The following ACACA variants were observed in gnomAD, a reference collection of about 807,000 sequenced individuals.
ACACA encodes the protein acetyl-CoA carboxylase 1.
ACACA carries 103 observed loss-of-function variants against 296.1 expected under a neutral mutation model. The observed-to-expected ratio is 0.35, with a 90% CI of 0.30 to 0.41. ACACA has a LOEUF of 0.41. ACACA is among the 10% of genes least tolerant of loss of function. ACACA has a pLI of 1.00. For synonymous variants in ACACA, 953 were observed against 1,038.6 expected (o/e 0.92, Z 1.58); for missense variants, 1,554 against 2,989.7 (o/e 0.52, Z 11.20).
At chr17:37,130,012 G>A (rs2075013340) in intron 46 of ACACA, 63 bp downstream of exon 46, 5 of 1,594,884 alleles carry the variant, frequency 3.1e-6, no homozygotes, top group Non-Finnish European at 4.3e-6. Flanking sequence ...CACAGAGGCA[G>A]TGAGCTGTGG....
intron 50 of ACACA, 103 bp downstream of exon 50, chr17:37,121,252 G>T: frequency 6.6e-7 from 1 of 1,513,514 alleles, no homozygotes. Flanking sequence ...AAAAGCCTAG[G>T]CTATTAGGAC....
chr17:37,167,296 G>C (rs1387040547), intron 41 of ACACA, among the ~76,000 whole-genome samples: 1 of 128,112 alleles, frequency 7.8e-6, no homozygotes. Context: ...TTTTGAGACA[G>C]AGTCTCAGGC....
At chr17:37,278,562 CT>C (rs1027754633) in intron 5 of ACACA, among the ~76,000 whole-genome samples, 1 of 152,180 alleles carries the variant, frequency 6.6e-6, no homozygotes, top group African/African-American at 2.4e-5. Flanking sequence ...AAGATAACCA[CT>C]TTCTCATATA....
At chr17:37,190,373 T>A (rs2077703249) in intron 38 of ACACA, among the ~76,000 whole-genome samples, 1 of 151,292 alleles carries the variant, frequency 6.6e-6, no homozygotes, top group Admixed American at 6.6e-5. Flanking sequence ...GAGGTTGCAA[T>A]GAGCTGAGAT....
intron 52 of ACACA, 92 bp from the exon 53 acceptor site, chr17:37,098,076 G>A: frequency 6.7e-7 from 1 of 1,500,954 alleles, no homozygotes; most frequent in Non-Finnish European, 9.3e-7. Context: ...CTCAACATCA[G>A]CCTGCCCCCT....
At chr17:37,280,301 C>T (rs117937620) in intron 5 of ACACA, among the ~76,000 whole-genome samples, 2,032 of 152,182 alleles carry the variant, frequency 0.013, 24 homozygotes, top group East Asian at 0.047. Flanking sequence ...CTCGACCTCC[C>T]GGGCTAAAGT....
At chr17:37,251,616 A>C (rs139428415) in intron 16 of ACACA, among the ~76,000 whole-genome samples, 55 of 152,322 alleles carry the variant, frequency 3.6e-4, no homozygotes, top group African/African-American at 1.2e-3. Flanking sequence ...ATCAGCCTTA[A>C]TTATTTACTT....
chr17:37,354,142 A>C (rs1385566672), intron 1 of ACACA, among the ~76,000 whole-genome samples: 1 of 152,206 alleles, frequency 6.6e-6, no homozygotes, highest in African/African-American at 2.4e-5. Flanking sequence ...ATTTTATTCT[A>C]TCTGAAATAA....
At chr17:37,350,241 G>A (rs144612454) in intron 1 of ACACA, among the ~76,000 whole-genome samples, 28 of 151,958 alleles carry the variant, frequency 1.8e-4, no homozygotes, top group South Asian at 1.5e-3. Flanking sequence ...TGATATGGGC[G>A]GACTGCTTGA....
intron 38 of ACACA, 88 bp from the exon 39 acceptor site, chr17:37,188,568 GT>G: frequency 7.1e-7 from 1 of 1,413,378 alleles, no homozygotes; most frequent in South Asian, 1.2e-5. Flanking sequence ...GAAAGAAGGG[GT>G]AAAAAAAAAA....
chr17:37,150,412 C>G (rs867622446), intron 44 of ACACA, among the ~76,000 whole-genome samples: 1 of 151,958 alleles, frequency 6.6e-6, no homozygotes. Context: ...CGTCATGGCA[C>G]GTGCCTGTAA....
At chr17:37,354,052 G>A (rs1465219897) in intron 1 of ACACA, among the ~76,000 whole-genome samples, 1 of 152,162 alleles carries the variant, frequency 6.6e-6, no homozygotes. Context: ...AGGTTGTAGT[G>A]AGCCATGTTT....
At chr17:37,217,135 C>T (rs143414551) in intron 29 of ACACA, among the ~76,000 whole-genome samples, 6 of 151,858 alleles carry the variant, frequency 4.0e-5, no homozygotes, top group African/African-American at 1.4e-4. Context: ...GTGGTGTACG[C>T]CTGTAATCCC....
rs558029384 is a variant in ACACA at position 37,229,295 on chromosome 17, T to C, written c.3247-2843A>G. ...TATCCTCTTGCATAGTTACAGATCA[T>C]GTTTTGTTCTGTTTTGTTTTGTTTT... On this transcript the variant is annotated intron_variant, in intron 25 of 55. Coordinates refer to ENST00000616317, the MANE Select transcript of ACACA (RefSeq NM_198834.3). 5.9e-5 allele frequency among the ~76,000 whole-genome samples: 9 copies of C among 152,208 alleles called. No individual in the cohort carries two copies. In the South Asian group the frequency reaches 6.2e-4, roughly 11 times the overall value.
At chr17:37,105,434 G>A (rs1029798438) in intron 52 of ACACA, among the ~76,000 whole-genome samples, 1 of 151,872 alleles carries the variant, frequency 6.6e-6, no homozygotes, top group Non-Finnish European at 1.5e-5. Context: ...CCAAAATCAC[G>A]CCACTGCACT....
chr17:37,276,905 G>A, intron 7 of ACACA, 128 bp downstream of exon 7: 1 of 832,830 alleles, frequency 1.2e-6, no homozygotes, highest in South Asian at 1.4e-5. Context: ...GTTAGTAATA[G>A]ATTGAGGGAA....
chr17:37,283,207 G>A, intron 5 of ACACA, 60 bp downstream of exon 5: 1 of 1,600,576 alleles, frequency 6.2e-7, no homozygotes, highest in Non-Finnish European at 8.6e-7. Context: ...CCTACTTAAA[G>A]GCTGTGCTGT....
At chr17:37,182,538 ATATT>A (rs1258438375) in intron 39 of ACACA, among the ~76,000 whole-genome samples, 1 of 152,206 alleles carries the variant, frequency 6.6e-6, no homozygotes, top group Non-Finnish European at 1.5e-5. Context: ...TTGCTTATGA[ATATT>A]TATAAAGGAT....
intron 41 of ACACA, among the ~76,000 whole-genome samples, chr17:37,172,423 T>C (rs1181219026): frequency 6.6e-6 from 1 of 152,142 alleles, no homozygotes; most frequent in African/African-American, 2.4e-5. Flanking sequence ...GTGTCAGAAA[T>C]TCATTAGAAG....
Sources: allele counts gnomAD v4.1 joint callset (sites outside exome capture counted in the v4.1 genomes callset), GRCh38; gene constraint gnomAD v4.1.1; transcripts MANE v1.5; gene names NCBI Gene and HGNC (gene_info 2026-07-23, HGNC 2026-07-21).